Variants in LAMB4 observed in about 807,000 individuals in gnomAD.
LAMB4 encodes laminin subunit beta 4.
In LAMB4, 196 loss-of-function variants were observed where a neutral mutation model predicts 199.2. The ratio of observed to expected loss-of-function variants is 0.98; its 90% CI spans 0.88 to 1.11. The LOEUF is 1.11. LAMB4 is among the 50% of genes least tolerant of loss of function. The pLI, the probability that LAMB4 is intolerant of heterozygous loss-of-function variation, is 0.00. For synonymous variants in LAMB4, 744 were observed against 770.6 expected, an observed-to-expected ratio of 0.97 and a Z score of 0.57; for missense variants, 2,080 against 2,171.2, an observed-to-expected ratio of 0.96 and a Z score of 0.83.
At chr7:108,110,765 T>G (rs1182951353) in intron 4 of LAMB4, among the ~76,000 whole-genome samples, 2 of 152,118 alleles carry the variant, frequency 1.3e-5, no homozygotes, top group African/African-American at 4.8e-5. Context: ...GGAGGACAGG[T>G]GGCTGTGGAA....
chr7:108,120,480 TATTCTAAA>T, intron 2 of LAMB4, among the ~76,000 whole-genome samples: 1 of 152,232 alleles, frequency 6.6e-6, no homozygotes, highest in East Asian at 1.9e-4. Context: ...TAAAGATTAT[TATTCTAAA>T]ACAAGGGCAC....
chr7:108,124,664 C>CAAAA (rs55806392), intron 1 of LAMB4, among the ~76,000 whole-genome samples: 4 of 144,818 alleles, frequency 2.8e-5, no homozygotes, highest in Non-Finnish European at 3.0e-5. Flanking sequence ...GTTTAAAAGG[C>CAAAA]AAAAAAAAAA....
chr7:108,060,846 TC>T (rs2036135340), intron 23 of LAMB4, among the ~76,000 whole-genome samples: 1 of 152,248 alleles, frequency 6.6e-6, no homozygotes, highest in Non-Finnish European at 1.5e-5. Flanking sequence ...TACTCTGTCC[TC>T]GAGGAGGAAG....
chr7:108,058,391 T>G (rs1271950814), intron 23 of LAMB4, among the ~76,000 whole-genome samples: 1 of 152,248 alleles, frequency 6.6e-6, no homozygotes, highest in African/African-American at 2.4e-5. Flanking sequence ...AAACATCTTT[T>G]TTTTGTACTT....
chr7:108,092,516 A>G, intron 12 of LAMB4, 100 bp from the exon 13 acceptor site: 1 of 850,754 alleles, frequency 1.2e-6, no homozygotes, highest in Non-Finnish European at 2.0e-6. Flanking sequence ...CACGTCAAAT[A>G]GCCAAACAGC....
intron 23 of LAMB4, among the ~76,000 whole-genome samples, chr7:108,058,732 T>C (rs1359494779): frequency 6.6e-6 from 1 of 152,202 alleles, no homozygotes. Context: ...CTCAGCTCAC[T>C]GCAACCTCTG....
At position 108,065,785 on chromosome 7, in the gene LAMB4, C is replaced by T. The variant is rs764940520; in HGVS notation, c.2813G>A (p.Cys938Tyr). ...YQNLWSSDVI[C>Y]NCLQGYTGTQ... is the part of the protein sequence containing the mutation. ...ACCCGTATAACCTTGAAGACAATTG[C>T]AGATTACATCTGAGCTCCACAGATT... The change falls in exon 21 of 34, where the codon TGC becomes TAC. Residue 938 changes from cysteine to tyrosine, a missense_variant. Cys to Tyr is a radical substitution (Grantham distance 194). Coordinates refer to ENST00000388781, the MANE Select transcript of LAMB4 (RefSeq NM_007356.3). The T allele has an allele frequency of 1.2e-5, 19 of 1,613,954 alleles. No individual in the cohort carries two copies. In the Admixed American group the frequency reaches 1.7e-4, roughly 14 times the overall value.
chr7:108,098,489 C>T lies in LAMB4; in HGVS notation c.1274G>A (p.Cys425Tyr). 1 of 1,612,188 alleles carries T rather than the reference C, an allele frequency of 6.2e-7. No homozygotes were observed. Among genetic ancestry groups the T allele is most frequent in the Non-Finnish European group, 8.5e-7 (1 of 1,179,400 alleles). Reference sequence around the variant, plus strand: ...TTTGGCTCCTTCCACGTTCTCTTTACAAAGGCACTGGCCGGCCACAGACCC... The same window carrying T: ...TTTGGCTCCTTCCACGTTCTCTTTATAAAGGCACTGGCCGGCCACAGACCC... ...ALGSVAGQCLCKENVEGAKCD... is the reference protein window; with the variant it reads ...ALGSVAGQCLYKENVEGAKCD... Residue 425 changes from cysteine (C) to tyrosine (Y), a missense_variant, in exon 11 of 34, where the codon TGT becomes TAT. Transcript: ENST00000388781.
chr7:108,126,554 C>CTTTTTTTTTTTTTTTTTTTTTTTT, intron 1 of LAMB4, among the ~76,000 whole-genome samples: 1 of 83,520 alleles, frequency 1.2e-5, no homozygotes, highest in Non-Finnish European at 2.0e-5. Context: ...GAATTTCTTT[C>CTTTTTTTTTTTTTTTTTTTTTTTT]TTTTTTTTTT....
At chr7:108,075,529 T>C (rs2036668260) in intron 17 of LAMB4, 1 of 152,212 alleles carries the variant, frequency 6.6e-6, no homozygotes, top group African/African-American at 2.4e-5. Flanking sequence ...CTCACAAATA[T>C]ACAAAAATGC....
chr7:108,032,373 G>C (rs1046565850), intron 31 of LAMB4, among the ~76,000 whole-genome samples: 1 of 151,400 alleles, frequency 6.6e-6, no homozygotes, highest in Non-Finnish European at 1.5e-5. Flanking sequence ...CTGGGTGATA[G>C]AGCGAGACTC....
chr7:108,032,793 CT>C (rs1202553593), intron 31 of LAMB4, among the ~76,000 whole-genome samples: 1 of 151,842 alleles, frequency 6.6e-6, no homozygotes, highest in East Asian at 1.9e-4. Flanking sequence ...ATGCAAGAAT[CT>C]TGTTGCCTCC....
intron 24 of LAMB4, among the ~76,000 whole-genome samples, chr7:108,056,350 G>A (rs758996194): frequency 2.6e-4 from 39 of 152,302 alleles, no homozygotes; most frequent in Non-Finnish European, 4.9e-4. Context: ...TACAGCCTCC[G>A]AGGGTGGTTC....
chr7:108,093,425 A>G lies in LAMB4; in HGVS notation c.1471-1009T>C, dbSNP rs374176117. ...TACCACAACAACCCCTGGGAATTTT[A>G]CCCATACAATACTGAAATACTTGGA... On this transcript the variant is annotated intron_variant, in intron 12 of 33. Coordinates refer to ENST00000388781, the MANE Select transcript of LAMB4 (RefSeq NM_007356.3). Among the ~76,000 whole-genome samples, 13 of 152,210 alleles carry G rather than the reference A, an allele frequency of 8.5e-5. No homozygotes were observed. In the East Asian group the frequency reaches 1.3e-3, roughly 16 times the overall value.
chr7:108,029,749 C>CAA (rs1357990479), intron 32 of LAMB4, among the ~76,000 whole-genome samples: 1 of 152,150 alleles, frequency 6.6e-6, no homozygotes, highest in Non-Finnish European at 1.5e-5. Flanking sequence ...TGTGTGTTGA[C>CAA]AACCTAGAAG....
chr7:108,053,809 T>C (rs2035898116), intron 25 of LAMB4, among the ~76,000 whole-genome samples: 1 of 152,208 alleles, frequency 6.6e-6, no homozygotes, highest in African/African-American at 2.4e-5. Context: ...TTCCTAATGG[T>C]GTCTAACCAC....
At chr7:108,100,388 T>G (rs2037773696) in intron 10 of LAMB4, among the ~76,000 whole-genome samples, 1 of 152,212 alleles carries the variant, frequency 6.6e-6, no homozygotes, top group South Asian at 2.1e-4. Flanking sequence ...AGAAAATTTA[T>G]ATGAGAATTC....
At chr7:108,023,153 C>G (rs2034726919), downstream of LAMB4, among the ~76,000 whole-genome samples, 1 of 152,166 alleles carries the variant, frequency 6.6e-6, no homozygotes, top group Admixed American at 6.5e-5. Context: ...AATGGAAATG[C>G]TCCAGCAGAT....
At chr7:108,073,818 G>GT (rs1192619208) in intron 17 of LAMB4, among the ~76,000 whole-genome samples, 2 of 152,220 alleles carry the variant, frequency 1.3e-5, no homozygotes, top group Non-Finnish European at 2.9e-5. Flanking sequence ...CCCGCCCTAG[G>GT]TTGGCCTTGG....
Sources: gnomAD v4.1 joint callset for allele counts (sites outside exome capture counted in the v4.1 genomes callset) on GRCh38, gnomAD v4.1.1 for gene constraint, MANE v1.5 for transcripts, NCBI Gene and HGNC (gene_info 2026-07-23, HGNC 2026-07-21) for gene names.